MAP3K9: variants seen among roughly 807,000 people sequenced by gnomAD.
MAP3K9 encodes mixed lineage kinase 1 (tyr and ser/thr specificity).
Under a neutral mutation model 95.8 loss-of-function variants are expected in MAP3K9, and 46 were observed. That is an observed-to-expected ratio of 0.48 (90% CI 0.38 to 0.61). The LOEUF (loss-of-function observed/expected upper bound fraction) is 0.61, where lower values mean the gene tolerates loss of function less well. Ranked by LOEUF, MAP3K9 falls within the 20% of genes least tolerant of loss-of-function variation. The pLI, the probability that MAP3K9 is intolerant of heterozygous loss-of-function variation, is 0.00. For synonymous variants in MAP3K9, 533 were observed against 593.8 expected (o/e 0.90, Z 1.49); for missense variants, 1,296 against 1,474.3 (o/e 0.88, Z 1.98).
intron 8 of MAP3K9, among the ~76,000 whole-genome samples, chr14:70,737,124 A>G (rs1285007912): frequency 2.0e-5 from 3 of 152,192 alleles, no homozygotes; most frequent in Non-Finnish European, 4.4e-5. Context: ...AAACATCAAG[A>G]AACACTGTGC....
At chr14:70,772,944 A>C (rs1236000122) in intron 2 of MAP3K9, among the ~76,000 whole-genome samples, 1 of 152,226 alleles carries the variant, frequency 6.6e-6, no homozygotes, top group Non-Finnish European at 1.5e-5. Context: ...CCTGAATGAA[A>C]TCAGTCAGGA....
At chr14:70,732,149 T>C (rs1309815362) in intron 11 of MAP3K9, among the ~76,000 whole-genome samples, 2 of 152,222 alleles carry the variant, frequency 1.3e-5, no homozygotes, top group African/African-American at 4.8e-5. Context: ...TGCTCCCACA[T>C]GCAGTGCAAG....
chr14:70,794,868 G>A (rs957505153), intron 2 of MAP3K9, among the ~76,000 whole-genome samples: 1 of 151,258 alleles, frequency 6.6e-6, no homozygotes, highest in African/African-American at 2.4e-5. Context: ...TAGTAGAGAC[G>A]GGGTTTCACT....
intron 2 of MAP3K9, among the ~76,000 whole-genome samples, chr14:70,762,694 G>GCTGT (rs2054392200): frequency 6.6e-6 from 1 of 151,950 alleles, no homozygotes; most frequent in East Asian, 1.9e-4. Flanking sequence ...CATTCTACTG[G>GCTGT]CTGTCTTCTC....
intron 2 of MAP3K9, among the ~76,000 whole-genome samples, chr14:70,797,792 A>G (rs929073376): frequency 4.6e-5 from 7 of 152,296 alleles, no homozygotes; most frequent in African/African-American, 1.7e-4. Flanking sequence ...GCAATGGAGT[A>G]AGAATGGTGG....
chr14:70,768,337 AC>A (rs1383336229), intron 2 of MAP3K9, among the ~76,000 whole-genome samples: 1 of 152,174 alleles, frequency 6.6e-6, no homozygotes, highest in Non-Finnish European at 1.5e-5. Flanking sequence ...ATTCTATATC[AC>A]TATTGTAAAT....
At chr14:70,805,404 AAG>A (rs778505083) in intron 1 of MAP3K9, among the ~76,000 whole-genome samples, 60 of 152,226 alleles carry the variant, frequency 3.9e-4, no homozygotes, top group Non-Finnish European at 8.2e-4. Context: ...TGCATCTCCC[AAG>A]ATAATGAGTT....
At chr14:70,747,205 T>G (rs1348911497) in intron 5 of MAP3K9, among the ~76,000 whole-genome samples, 1 of 152,202 alleles carries the variant, frequency 6.6e-6, no homozygotes, top group African/African-American at 2.4e-5. Flanking sequence ...AATCTCATCT[T>G]GAATTGTAGT....
chr14:70,791,505 G>A (rs1050293632), intron 2 of MAP3K9, among the ~76,000 whole-genome samples: 4 of 152,154 alleles, frequency 2.6e-5, no homozygotes, highest in African/African-American at 7.2e-5. Context: ...TTCCCCTTAC[G>A]AATCCTTCTC....
Position 70,730,196 on chromosome 14 carries a change from G to A in MAP3K9, c.*184C>T. Reference sequence around the variant, plus strand: ...CCCCTCCAGTGGACACGGGTAGAAAGGCCCTGCAGGGCAGGAGACCCTCTG... The same window carrying A: ...CCCCTCCAGTGGACACGGGTAGAAAAGCCCTGCAGGGCAGGAGACCCTCTG... On this transcript the variant is annotated 3_prime_UTR_variant, in exon 12 of 12. Coordinates refer to ENST00000554752, the MANE Select transcript of MAP3K9 (RefSeq NM_001284230.2). The A allele has an allele frequency of 1.2e-6, 1 of 829,916 alleles. No individual in the cohort carries two copies. Among genetic ancestry groups the A allele is most frequent in the Non-Finnish European group, 1.8e-6 (1 of 551,884 alleles). 51.4% of individuals were successfully genotyped at this position (829,916 alleles called of 1,614,324 possible).
At chr14:70,734,555 T>A in intron 9 of MAP3K9, 57 bp from the exon 10 acceptor site, 1 of 971,646 alleles carries the variant, frequency 1.0e-6, no homozygotes, top group South Asian at 1.5e-5. Flanking sequence ...TACTTGACCC[T>A]CAGCTCCATG....
At chr14:70,744,041 G>A (rs1337011621) in intron 5 of MAP3K9, among the ~76,000 whole-genome samples, 1 of 152,158 alleles carries the variant, frequency 6.6e-6, no homozygotes, top group African/African-American at 2.4e-5. Context: ...GGATGAGTTC[G>A]TGTCTTTGCA....
chr14:70,774,974 C>T (rs1772003206), intron 2 of MAP3K9, among the ~76,000 whole-genome samples: 1 of 82,252 alleles, frequency 1.2e-5, no homozygotes, highest in African/African-American at 5.1e-5. Flanking sequence ...CAGAGTGAGA[C>T]TCTGTCCCCA....
At chr14:70,757,871 C>G (rs1230415551) in intron 3 of MAP3K9, among the ~76,000 whole-genome samples, 1 of 151,960 alleles carries the variant, frequency 6.6e-6, no homozygotes, top group Non-Finnish European at 1.5e-5. Context: ...AAAGTTGGAC[C>G]CCTACCTCAT....
Position 70,761,130 on chromosome 14 carries a change from C to T in MAP3K9, c.873G>A (p.Lys291=). The T allele has an allele frequency of 6.2e-7, 1 of 1,614,158 alleles. No homozygotes were observed. The highest frequency in any genetic ancestry group is 1.1e-5 in the South Asian group (1 of 91,060). The change falls in exon 3 of 12, where the codon AAG becomes AAA. Residue 291 remains lysine (K), a synonymous_variant. Transcript: ENST00000554752. ...CCCGAGCCAGGCCAAAATCAGTGAT[C>T]TTCAGAATCTTGTTGCTCAGGTCTC... The part of the protein sequence containing the change: ...ENGDLSNKIL[K]ITDFGLAREW...
intron 8 of MAP3K9, among the ~76,000 whole-genome samples, chr14:70,736,556 A>T (rs1383686075): frequency 6.6e-6 from 1 of 152,246 alleles, no homozygotes; most frequent in Non-Finnish European, 1.5e-5. Context: ...TATATTTTTT[A>T]ATTCCTTCAA....
intron 3 of MAP3K9, 69 bp downstream of exon 3, chr14:70,760,933 C>T: frequency 1.9e-6 from 3 of 1,541,962 alleles, no homozygotes; most frequent in Non-Finnish European, 2.6e-6. Context: ...CTCAATTCTC[C>T]AAGTCTTGAA....
At chr14:70,792,406 A>G (rs891493308) in intron 2 of MAP3K9, among the ~76,000 whole-genome samples, 1 of 152,370 alleles carries the variant, frequency 6.6e-6, no homozygotes, top group Middle Eastern at 3.4e-3. Flanking sequence ...AGGTAATGCC[A>G]GAAGTATTTC....
At chr14:70,804,202 T>G (rs1412780624) in intron 1 of MAP3K9, among the ~76,000 whole-genome samples, 1 of 152,204 alleles carries the variant, frequency 6.6e-6, no homozygotes, top group Non-Finnish European at 1.5e-5. Flanking sequence ...TTCTGGGAGT[T>G]GTTCACATAG....
Sources: allele counts gnomAD v4.1 joint callset (sites outside exome capture counted in the v4.1 genomes callset), GRCh38; gene constraint gnomAD v4.1.1; transcripts MANE v1.5; gene names NCBI Gene and HGNC (gene_info 2026-07-23, HGNC 2026-07-21).